Variants in KCNAB2 observed in about 807,000 individuals in gnomAD.
KCNAB2 encodes potassium voltage-gated channel subfamily A regulatory beta subunit 2.
Under a neutral mutation model 63.6 loss-of-function variants are expected in KCNAB2, and 29 were observed. The ratio of observed to expected loss-of-function variants is 0.46; its 90% CI spans 0.34 to 0.62. The LOEUF is 0.62. Ranked by LOEUF, KCNAB2 falls within the 20% of genes least tolerant of loss-of-function variation. KCNAB2 has a pLI of 0.01. For synonymous variants in KCNAB2, 222 were observed against 224.2 expected, an observed-to-expected ratio of 0.99 and a Z score of 0.09; for missense variants, 359 against 563.9, an observed-to-expected ratio of 0.64 and a Z score of 3.68.
chr1:6,036,751 G>A (rs1363060054), intron 1 of KCNAB2, among the ~76,000 whole-genome samples: 6 of 145,466 alleles, frequency 4.1e-5, no homozygotes, highest in African/African-American at 1.5e-4. Context: ...GGTGGCTTCT[G>A]ATTGCTTGTG....
Position 6,098,619 on chromosome 1 carries a change from T to C in KCNAB2, c.*45T>C, listed in dbSNP as rs1371690957. ...TCGGACAGTTTCCGTTCCCTCCTAG[T>C]CTCTGTTCGCTCGCTTAAGCTGTTT... On this transcript the variant is annotated 3_prime_UTR_variant, in exon 16 of 16. Coordinates refer to ENST00000378083, the MANE Select transcript of KCNAB2 (RefSeq NM_001199862.2). 1 of 1,602,124 alleles carries C rather than the reference T, an allele frequency of 6.2e-7. No homozygotes were observed. The highest frequency in any genetic ancestry group is 8.5e-7 in the Non-Finnish European group (1 of 1,173,596).
rs964197466 is a variant in KCNAB2, at chr1:6,087,002, C to G, written c.426-465C>G. On this transcript the variant is annotated intron_variant, in intron 6 of 15. Transcript: ENST00000378083. This position sits in a 1 kb window ranked among gnomAD's most constrained non-coding sequence, Gnocchi z 6.4. ...TGCAGAGAGCTTCCCTGCCTGCCTC[C>G]CACCTACATCTTTCCATCCTCAACT... Among the ~76,000 whole-genome samples, 21 of 152,144 alleles carry G rather than the reference C, an allele frequency of 1.4e-4. No homozygotes were observed. The highest frequency in any genetic ancestry group is 2.4e-4 in the Non-Finnish European group (16 of 68,030).
chr1:6,036,348 C>T (rs1170870797), intron 1 of KCNAB2, among the ~76,000 whole-genome samples: 1 of 151,988 alleles, frequency 6.6e-6, no homozygotes, highest in Admixed American at 6.6e-5. Context: ...ACTAAAAATA[C>T]AAAACTTAGC....
chr1:6,030,308 A>T (rs924349271), upstream of KCNAB2, among the ~76,000 whole-genome samples: 6 of 152,142 alleles, frequency 3.9e-5, no homozygotes, highest in African/African-American at 1.4e-4. Context: ...AGCAGGGTGG[A>T]CTGGGGCGTG....
At chr1:6,083,555 C>G (rs989538336) in intron 5 of KCNAB2, among the ~76,000 whole-genome samples, 1 of 152,226 alleles carries the variant, frequency 6.6e-6, no homozygotes, top group Non-Finnish European at 1.5e-5. Flanking sequence ...CAGGGAGCAG[C>G]TTCCCCTCAG....
At chr1:6,043,064 G>C (rs1310913082), upstream of KCNAB2, among the ~76,000 whole-genome samples, 1 of 152,076 alleles carries the variant, frequency 6.6e-6, no homozygotes, top group Non-Finnish European at 1.5e-5. Flanking sequence ...GCTTTCCCTG[G>C]ATGAAATGTT....
At chr1:6,098,037 A>G (rs944285661) in intron 15 of KCNAB2, 4 of 368,678 alleles carry the variant, frequency 1.1e-5, no homozygotes, top group Non-Finnish European at 1.5e-5. Context: ...ATGTTTGGGA[A>G]GGTGGGGCCC....
chr1:6,043,727 C>T (rs755370769), upstream of KCNAB2, among the ~76,000 whole-genome samples: 2 of 152,338 alleles, frequency 1.3e-5, no homozygotes, highest in South Asian at 2.1e-4. Flanking sequence ...AGGCCTGGCC[C>T]TCTCACAGGG....
chr1:6,038,657 G>A (rs1045641924), intron 1 of KCNAB2, among the ~76,000 whole-genome samples: 5 of 152,178 alleles, frequency 3.3e-5, no homozygotes, highest in African/African-American at 7.2e-5. Flanking sequence ...GGAGACCTCC[G>A]TTATTAGGGG....
In KCNAB2 at chr1:6,078,202, G is replaced by T. The variant is rs565370547; in HGVS notation, c.301-3993G>T. On this transcript the variant is annotated intron_variant, in intron 4 of 15. Coordinates refer to ENST00000378083, the MANE Select transcript of KCNAB2 (RefSeq NM_001199862.2). The surrounding 1 kb of genome is among the most constrained non-coding windows in gnomAD (Gnocchi z 4.2). ...GTCTCTGCCCCTGTGGATACTCTCC[G>T]TCCTCCTCTTCTGTCAGTCAAGTCT... is the stretch of plus-strand genomic sequence containing the variant. 6.6e-6 allele frequency among the ~76,000 whole-genome samples: 1 copy of T among 152,124 alleles called. No individual in the cohort carries two copies. Among genetic ancestry groups the T allele is most frequent in the Non-Finnish European group, 1.5e-5 (1 of 68,024 alleles).
chr1:6,025,507 T>C (rs966274013), intron 1 of KCNAB2, among the ~76,000 whole-genome samples: 4 of 152,122 alleles, frequency 2.6e-5, no homozygotes, highest in Non-Finnish European at 5.9e-5. Context: ...CAAGAAGGAA[T>C]GGCAGAGCAG....
At chr1:6,079,635 G>T (rs903474033) in intron 4 of KCNAB2, among the ~76,000 whole-genome samples, 1 of 152,158 alleles carries the variant, frequency 6.6e-6, no homozygotes, top group African/African-American at 2.4e-5. Flanking sequence ...AGGACACACG[G>T]TGTGACTGCA....
chr1:6,049,737 C>T (rs1213781749), intron 1 of KCNAB2, among the ~76,000 whole-genome samples: 2 of 152,234 alleles, frequency 1.3e-5, no homozygotes, highest in Non-Finnish European at 2.9e-5. Context: ...ACCTTCCCTA[C>T]CTCAATTGCA....
chr1:6,003,595 G>A lies in KCNAB2; in HGVS notation c.-53+10807G>A, dbSNP rs531099. On this transcript the variant is annotated intron_variant, in intron 1 of 16. Transcript: ENST00000341524. The surrounding 1 kb of genome is among the most constrained non-coding windows in gnomAD (Gnocchi z 4.1). Reference sequence around the variant, plus strand: ...TCTTCCGAATCAGGCTGTGGGAAACGTTTGTGTGCATCTCGCTTTATTTCC... The same window carrying A: ...TCTTCCGAATCAGGCTGTGGGAAACATTTGTGTGCATCTCGCTTTATTTCC... Among the ~76,000 whole-genome samples, 80,220 of 151,984 alleles carry A rather than the reference G, an allele frequency of 0.53. 21,511 individuals are homozygous for A. The highest frequency in any genetic ancestry group is 0.62 in the African/African-American group (25,697 of 41,446).
Position 6,099,463 on chromosome 1 carries a change from G to T in KCNAB2, c.*889G>T, listed in dbSNP as rs1665892110. 4.1e-6 allele frequency: 1 copy of T among 241,376 alleles called. No individual in the cohort carries two copies. 15.0% of individuals were successfully genotyped at this position (241,376 alleles called of 1,614,324 possible). A position where few individuals can be genotyped will look rare whatever the true frequency, so the allele number is the denominator to read the frequency against. The stretch of plus-strand genomic sequence containing the variant: ...CACCCCTCTGTCCTGGCCCCGGAAG[G>T]CCCTGTGGTCATGTGCTCCTAGCTG... On this transcript the variant is annotated 3_prime_UTR_variant, in exon 16 of 16. Transcript: ENST00000378083.
At chr1:6,022,879 CTTTT>C (rs34874871) in intron 1 of KCNAB2, among the ~76,000 whole-genome samples, 3 of 86,986 alleles carry the variant, frequency 3.4e-5, no homozygotes, top group Admixed American at 1.4e-4. Flanking sequence ...TTTTGCTTAT[CTTTT>C]TTTTTTTTTT....
At chr1:6,033,077 T>G (rs1659747706), upstream of KCNAB2, among the ~76,000 whole-genome samples, 4 of 152,240 alleles carry the variant, frequency 2.6e-5, no homozygotes, top group Admixed American at 2.6e-4. Context: ...GTATCTTAGG[T>G]ACAATGCTGG....
chr1:6,072,335 G>A (rs1220085431), intron 2 of KCNAB2, among the ~76,000 whole-genome samples: 2 of 152,222 alleles, frequency 1.3e-5, no homozygotes, highest in Non-Finnish European at 2.9e-5. Context: ...CCCAGTCGCT[G>A]GAGACAGGAA....
upstream of KCNAB2, among the ~76,000 whole-genome samples, chr1:6,032,748 G>A (rs1414018737): frequency 1.3e-5 from 2 of 152,286 alleles, no homozygotes; most frequent in South Asian, 2.1e-4. Flanking sequence ...TTGCTTGTTC[G>A]CCCCTGCCTG....
Sources: allele counts gnomAD v4.1 joint callset (sites outside exome capture counted in the v4.1 genomes callset), GRCh38; gene constraint gnomAD v4.1.1; non-coding constraint Gnocchi (gnomAD v3.1); transcripts MANE v1.5; gene names NCBI Gene and HGNC (gene_info 2026-07-23, HGNC 2026-07-21).